Variants in TMEM132D observed in about 807,000 individuals in gnomAD.
TMEM132D encodes the protein mature OL transmembrane protein.
A neutral mutation model predicts 62.3 loss-of-function variants in TMEM132D; 21 were observed. The ratio of observed to expected loss-of-function variants is 0.34; its 90% CI spans 0.24 to 0.49. TMEM132D has a LOEUF of 0.49. TMEM132D is among the 20% of genes least tolerant of loss of function. The pLI, the probability that TMEM132D is intolerant of heterozygous loss-of-function variation, is 0.99. For synonymous variants in TMEM132D, 621 were observed against 575.6 expected (o/e 1.08, Z -1.13); for missense variants, 1,346 against 1,402.8 (o/e 0.96, Z 0.65).
At chr12:129,721,718 A>G (rs1380712849) in intron 1 of TMEM132D, among the ~76,000 whole-genome samples, 1 of 152,134 alleles carries the variant, frequency 6.6e-6, no homozygotes, top group Non-Finnish European at 1.5e-5. Context: ...CCCCATGTGG[A>G]TCCTGCATGT....
chr12:129,348,713 A>C lies in TMEM132D; in HGVS notation c.1116-10896T>G, dbSNP rs903747680. Among the ~76,000 whole-genome samples, 57 of 152,188 alleles carry C rather than the reference A, an allele frequency of 3.7e-4. 1 individual carries two copies. Among genetic ancestry groups the C allele is most frequent in the African/African-American group, 1.3e-3 (54 of 41,474 alleles). On this transcript the variant is annotated intron_variant, in intron 3 of 8. Coordinates refer to ENST00000422113, the MANE Select transcript of TMEM132D (RefSeq NM_133448.3). ...TCTGCACATGTATCCCAGAACTTAA[A>C]GTAAAATAAAATAAAATAAAGAAAA...
intron 2 of TMEM132D, among the ~76,000 whole-genome samples, chr12:129,665,831 A>T (rs981914424): frequency 6.6e-6 from 1 of 152,218 alleles, no homozygotes; most frequent in Admixed American, 6.5e-5. Context: ...AGTGAAGAAC[A>T]CATCATGATC....
Position 129,903,144 on chromosome 12 carries a change from C to T in TMEM132D, c.79+117G>A. On this transcript the variant is annotated intron_variant, in intron 1 of 8. Coordinates refer to ENST00000422113, the MANE Select transcript of TMEM132D (RefSeq NM_133448.3). This position sits in a 1 kb window ranked among gnomAD's most constrained non-coding sequence, Gnocchi z 6.2. ...GCGCACACACACATGCACACAAGCG[C>T]GCACACACACTTGCACACGAGCCCT... is the stretch of plus-strand genomic sequence containing the variant. 1.9e-6 allele frequency: 2 copies of T among 1,080,044 alleles called. No individual in the cohort carries two copies. Among genetic ancestry groups the T allele is most frequent in the African/African-American group, 1.6e-5 (1 of 63,618 alleles). 66.9% of individuals were successfully genotyped at this position (1,080,044 alleles called of 1,614,324 possible).
chr12:129,717,916 C>T (rs1302583223), intron 1 of TMEM132D, among the ~76,000 whole-genome samples: 3 of 152,102 alleles, frequency 2.0e-5, no homozygotes, highest in East Asian at 1.9e-4. Context: ...GTCTACATTC[C>T]GGTCAGTGAG....
At chr12:129,684,609 CAGAT>C (rs1161107575) in intron 2 of TMEM132D, among the ~76,000 whole-genome samples, 1 of 151,630 alleles carries the variant, frequency 6.6e-6, no homozygotes, top group Non-Finnish European at 1.5e-5. Flanking sequence ...ATCTGGGTAA[CAGAT>C]AGAGATTGGA....
intron 5 of TMEM132D, among the ~76,000 whole-genome samples, chr12:129,171,952 C>T (rs796507574): frequency 2.0e-5 from 3 of 152,182 alleles, no homozygotes; most frequent in African/African-American, 7.2e-5. Context: ...CCTGACAAGA[C>T]AGTCAGCCTG....
At chr12:129,657,446 T>C (rs1482373624) in intron 2 of TMEM132D, among the ~76,000 whole-genome samples, 2 of 151,538 alleles carry the variant, frequency 1.3e-5, no homozygotes, top group Admixed American at 6.6e-5. Context: ...CAGAAAACAA[T>C]GGGATAGGAG....
chr12:129,625,724 A>G lies in TMEM132D; in HGVS notation c.968+74086T>C, dbSNP rs1879195740. On this transcript the variant is annotated intron_variant, in intron 2 of 8. Coordinates refer to ENST00000422113, the MANE Select transcript of TMEM132D (RefSeq NM_133448.3). The stretch of plus-strand genomic sequence containing the variant: ...AAAGGAAGCCCTGCACAGCACTTGC[A>G]TTATTTAAAGGCAGGATTTATTACC... 1.3e-5 allele frequency among the ~76,000 whole-genome samples: 2 copies of G among 152,254 alleles called. 1 individual carries two copies. Among genetic ancestry groups the G allele is most frequent in the South Asian group, 4.1e-4 (2 of 4,830 alleles).
intron 3 of TMEM132D, among the ~76,000 whole-genome samples, chr12:129,526,758 G>A (rs1876055725): frequency 6.6e-6 from 1 of 152,232 alleles, no homozygotes; most frequent in Non-Finnish European, 1.5e-5. Flanking sequence ...CCTAAAAAGA[G>A]TCAACACAGT....
intron 5 of TMEM132D, among the ~76,000 whole-genome samples, chr12:129,146,039 T>A (rs1402608390): frequency 6.6e-6 from 1 of 151,568 alleles, no homozygotes; most frequent in Non-Finnish European, 1.5e-5. Flanking sequence ...AATGATTACA[T>A]AAGCTAATTA....
chr12:129,451,427 A>C (rs996374382), intron 3 of TMEM132D, among the ~76,000 whole-genome samples: 1 of 152,196 alleles, frequency 6.6e-6, no homozygotes, highest in African/African-American at 2.4e-5. Flanking sequence ...TGGTTCCTGC[A>C]GAATGAGCAT....
intron 2 of TMEM132D, among the ~76,000 whole-genome samples, chr12:129,667,848 T>A (rs1382650382): frequency 6.6e-6 from 1 of 152,058 alleles, no homozygotes; most frequent in Non-Finnish European, 1.5e-5. Flanking sequence ...ACTCCTATAA[T>A]TCTAATACGA....
At chr12:129,818,152 T>G (rs1872419673) in intron 1 of TMEM132D, among the ~76,000 whole-genome samples, 1 of 145,124 alleles carries the variant, frequency 6.9e-6, no homozygotes, top group African/African-American at 2.6e-5. Flanking sequence ...GTGTGTGTGG[T>G]ATAAGGTGTA....
At chr12:129,811,964 T>C (rs552232971) in intron 1 of TMEM132D, among the ~76,000 whole-genome samples, 1 of 151,816 alleles carries the variant, frequency 6.6e-6, no homozygotes, top group East Asian at 2.0e-4. Context: ...GACACATATA[T>C]TTCAACCTCG....
chr12:129,700,294 C>T lies in TMEM132D; in HGVS notation c.484G>A (p.Gly162Arg), dbSNP rs149686713. 1.3e-3 allele frequency: 2,090 copies of T among 1,613,610 alleles called. 3 individuals are homozygous for T. Among genetic ancestry groups the T allele is most frequent in the Admixed American group, 2.2e-3 (130 of 60,028 alleles). Residue 162 changes from glycine to arginine, a missense_variant, in exon 2 of 9, where the codon GGG (glycine) becomes AGG (arginine). Gly to Arg is a moderately radical substitution (Grantham distance 125). Coordinates refer to ENST00000422113, the MANE Select transcript of TMEM132D (RefSeq NM_133448.3). ...MGRDWDDRSA[G>R]EKLPCLRVFA... The stretch of plus-strand genomic sequence containing the variant: ...ACCCTCAGGCACGGCAGCTTCTCCC[C>T]GGCGCTGCGGTCGTCCCAGTCTCTG...
chr12:129,160,137 C>T (rs1251129986), intron 5 of TMEM132D, among the ~76,000 whole-genome samples: 2 of 152,230 alleles, frequency 1.3e-5, no homozygotes, highest in South Asian at 2.1e-4. Flanking sequence ...GGAATCTATG[C>T]TTTGCTACTG....
At chr12:129,209,710 C>T in intron 4 of TMEM132D, 47 bp from the exon 5 acceptor site, 1 of 1,607,900 alleles carries the variant, frequency 6.2e-7, no homozygotes, top group Non-Finnish European at 8.5e-7. Flanking sequence ...CCTGAGACGG[C>T]CCAGTCCCTG....
chr12:129,619,104 T>C (rs1488015073), intron 2 of TMEM132D, among the ~76,000 whole-genome samples: 1 of 152,200 alleles, frequency 6.6e-6, no homozygotes, highest in Non-Finnish European at 1.5e-5. Context: ...TAAATGTTTC[T>C]TATCAGACTT....
intron 1 of TMEM132D, among the ~76,000 whole-genome samples, chr12:129,893,998 C>T (rs187927482): frequency 1.3e-5 from 2 of 152,224 alleles, no homozygotes; most frequent in Non-Finnish European, 2.9e-5. Context: ...CTCTGATCCC[C>T]ACCAGCATCA....
Sources: gnomAD v4.1 joint callset for allele counts (sites outside exome capture counted in the v4.1 genomes callset) on GRCh38, gnomAD v4.1.1 for gene constraint, Gnocchi (gnomAD v3.1) non-coding constraint, MANE v1.5 for transcripts, NCBI Gene and HGNC (gene_info 2026-07-23, HGNC 2026-07-21) for gene names.